Variants in RYR2 observed in about 807,000 individuals in gnomAD.
RYR2 encodes cardiac muscle ryanodine receptor-calcium release channel.
In RYR2, 227 loss-of-function variants were observed where a neutral mutation model predicts 601.1. The ratio of observed to expected loss-of-function variants is 0.38; its 90% CI spans 0.34 to 0.42. The LOEUF is 0.42. Among genes scored for constraint, RYR2 ranks in the 10% least tolerant of loss-of-function variants. The pLI is 1.00. For synonymous variants in RYR2, 2,223 were observed against 2,175.1 expected (o/e 1.02, Z -0.61); for missense variants, 4,646 against 6,156.5 (o/e 0.75, Z 8.21).
At chr1:237,700,491 T>G (rs1259156915) in intron 65 of RYR2, 24 bp downstream of exon 65, 24 of 525,202 alleles carry the variant, frequency 4.6e-5, no homozygotes, top group Admixed American at 8.8e-5. Context: ...TATCTTGGAG[T>G]TTTTTTTTTT....
At chr1:237,314,977 G>A (rs1050828390) in intron 2 of RYR2, among the ~76,000 whole-genome samples, 3 of 152,090 alleles carry the variant, frequency 2.0e-5, no homozygotes, top group Non-Finnish European at 2.9e-5. Context: ...ATCTCTTTAT[G>A]AGAATCAAAA....
At chr1:237,430,264 T>A (rs1212432621) in intron 12 of RYR2, among the ~76,000 whole-genome samples, 1 of 151,248 alleles carries the variant, frequency 6.6e-6, no homozygotes, top group Non-Finnish European at 1.5e-5. Context: ...GATCTGGAGA[T>A]ATGTATAACA....
chr1:237,486,519 T>G (rs1489283472), intron 17 of RYR2, among the ~76,000 whole-genome samples: 2 of 143,526 alleles, frequency 1.4e-5, no homozygotes, highest in Non-Finnish European at 3.1e-5. Context: ...GGATGAAGTA[T>G]AAGACTTAAA....
chr1:237,067,227 G>A lies in RYR2; in HGVS notation c.48+24658G>A, dbSNP rs543460976. ...CCCATGCCTAAGAACTCTTTGCCAA[G>A]CTCTTGGTCTTGAATATTTTCTCTT... On this transcript the variant is annotated intron_variant, in intron 1 of 104. Transcript: ENST00000366574. 3.3e-5 allele frequency among the ~76,000 whole-genome samples: 5 copies of A among 152,116 alleles called. No individual in the cohort carries two copies. The South Asian group carries it at 1.0e-3, about 32-fold the overall frequency.
chr1:237,715,570 T>C (rs1689203097), intron 71 of RYR2, among the ~76,000 whole-genome samples: 1 of 152,198 alleles, frequency 6.6e-6, no homozygotes, highest in Non-Finnish European at 1.5e-5. Flanking sequence ...CACAAATATT[T>C]ATAAATATTA....
At chr1:237,104,773 A>G (rs571102171) in intron 1 of RYR2, among the ~76,000 whole-genome samples, 49 of 152,212 alleles carry the variant, frequency 3.2e-4, no homozygotes, top group Admixed American at 1.7e-3. Context: ...CTCCCTACGG[A>G]TAGGAAAGGA....
At chr1:237,636,591 A>C (rs1482916807) in intron 44 of RYR2, among the ~76,000 whole-genome samples, 1 of 152,258 alleles carries the variant, frequency 6.6e-6, no homozygotes, top group African/African-American at 2.4e-5. Flanking sequence ...GTAATGGTAC[A>C]GCCAGTGTGG....
Position 237,614,882 on chromosome 1 carries a change from C to G in RYR2, c.5715+39C>G. On this transcript the variant is annotated intron_variant, in intron 37 of 104. Coordinates refer to ENST00000366574, the MANE Select transcript of RYR2 (RefSeq NM_001035.3). The surrounding 1 kb of genome is among the most constrained non-coding windows in gnomAD (Gnocchi z 4.3). ...GAGACTTGAGTGAATTTCAGAATTG[C>G]TAAGCATTAAGGTATTAGAACATGC... The G allele has an allele frequency of 6.6e-7, 1 of 1,521,730 alleles. No individual in the cohort carries two copies. Among genetic ancestry groups the G allele is most frequent in the Non-Finnish European group, 8.8e-7 (1 of 1,135,794 alleles). The allele number at this position is 1,521,730 out of a possible 1,614,324, so 94.3% of individuals were successfully genotyped here.
At chr1:237,364,221 A>C (rs1287401790) in intron 4 of RYR2, 137 bp from the exon 5 acceptor site, 1 of 670,142 alleles carries the variant, frequency 1.5e-6, no homozygotes, top group African/African-American at 1.9e-5. Context: ...TAACATGGTG[A>C]ATGTTTTTTT....
chr1:237,364,300 G>T, intron 4 of RYR2, 58 bp from the exon 5 acceptor site: 1 of 1,502,838 alleles, frequency 6.7e-7, no homozygotes, highest in South Asian at 1.2e-5. Flanking sequence ...TATTTTTAAG[G>T]AAGTCTTTGA....
chr1:237,058,966 A>T (rs1037386056), intron 1 of RYR2, among the ~76,000 whole-genome samples: 1 of 151,776 alleles, frequency 6.6e-6, no homozygotes, highest in Non-Finnish European at 1.5e-5. Flanking sequence ...TTCTGCAGAA[A>T]TTTTTTTTTG....
chr1:237,393,503 C>T (rs1702562432), intron 10 of RYR2, among the ~76,000 whole-genome samples: 1 of 152,132 alleles, frequency 6.6e-6, no homozygotes, highest in African/African-American at 2.4e-5. Context: ...TGACTGATAT[C>T]CTTGTGAGGA....
chr1:237,504,939 C>T (rs1190692971), intron 22 of RYR2, among the ~76,000 whole-genome samples: 1 of 152,198 alleles, frequency 6.6e-6, no homozygotes, highest in Non-Finnish European at 1.5e-5. Flanking sequence ...ATAGGGTTCA[C>T]ACTCCTATGA....
chr1:237,740,739 A>G (rs575136993), intron 79 of RYR2, among the ~76,000 whole-genome samples: 281 of 152,310 alleles, frequency 1.8e-3, no homozygotes, highest in Non-Finnish European at 3.0e-3. Flanking sequence ...GAGAGTAAGC[A>G]TGCTTGTTAT....
intron 1 of RYR2, among the ~76,000 whole-genome samples, chr1:237,194,199 G>C (rs1051199193): frequency 6.6e-6 from 1 of 152,172 alleles, no homozygotes; most frequent in African/African-American, 2.4e-5. Flanking sequence ...GAGTTCCTTG[G>C]CTTCTACTGA....
At chr1:237,401,039 T>C (rs1001587634) in intron 10 of RYR2, among the ~76,000 whole-genome samples, 35 of 152,302 alleles carry the variant, frequency 2.3e-4, no homozygotes, top group Admixed American at 2.0e-3. Context: ...TTACAAGTAT[T>C]GAGACCCAGC....
In RYR2 at chr1:237,106,839, C is replaced by T. The variant is rs1050960465; in HGVS notation, c.48+64270C>T. Among the ~76,000 whole-genome samples, 12 of 152,276 alleles carry T rather than the reference C, an allele frequency of 7.9e-5. No homozygotes were observed. Among genetic ancestry groups the T allele is most frequent in the African/African-American group, 1.4e-4 (6 of 41,554 alleles). Reference sequence around the variant, plus strand: ...GAAGGCTCGCTTCCTGGTTCATAGGCGGCTGTCTTCTTGCTGTGTTGTCAC... The same window carrying T: ...GAAGGCTCGCTTCCTGGTTCATAGGTGGCTGTCTTCTTGCTGTGTTGTCAC... On this transcript the variant is annotated intron_variant, in intron 1 of 104. Coordinates refer to ENST00000366574, the MANE Select transcript of RYR2 (RefSeq NM_001035.3). This position sits in a 1 kb window ranked among gnomAD's most constrained non-coding sequence, Gnocchi z 4.4.
Position 237,042,459 on chromosome 1 carries a change from G to T in RYR2, c.-63G>T, listed in dbSNP as rs578020342. 377 of 1,209,774 alleles carry T rather than the reference G, an allele frequency of 3.1e-4. No individual in the cohort carries two copies. In the South Asian group the frequency reaches 4.8e-3, roughly 15 times the overall value. The allele number at this position is 1,209,774 out of a possible 1,614,324, so 74.9% of individuals were successfully genotyped here. Reference sequence around the variant, plus strand: ...GCAGAAGCAGAAGGCAGCGCCAGGGGCCGCCGCCGCCGCCGAGCTCCGCGG... The same window carrying T: ...GCAGAAGCAGAAGGCAGCGCCAGGGTCCGCCGCCGCCGCCGAGCTCCGCGG... On this transcript the variant is annotated 5_prime_UTR_variant, in exon 1 of 105. Coordinates refer to ENST00000366574, the MANE Select transcript of RYR2 (RefSeq NM_001035.3).
intron 62 of RYR2, 89 bp from the exon 63 acceptor site, chr1:237,687,366 C>CTTTTTTTTTTTTTTTTTTTTTTCTTT: frequency 3.9e-6 from 1 of 257,686 alleles, no homozygotes; most frequent in South Asian, 4.1e-5. Flanking sequence ...TTTTCTTCTT[C>CTTTTTTTTTTTTTTTTTTTTTTCTTT]TTTTTTTTTT....
Sources: gnomAD v4.1 joint callset for allele counts (sites outside exome capture counted in the v4.1 genomes callset) on GRCh38, gnomAD v4.1.1 for gene constraint, Gnocchi (gnomAD v3.1) non-coding constraint, MANE v1.5 for transcripts, NCBI Gene and HGNC (gene_info 2026-07-23, HGNC 2026-07-21) for gene names.